The following PLCH2 variants were observed in gnomAD, a reference collection of about 807,000 sequenced individuals.
The protein encoded by PLCH2 is 1-phosphatidylinositol 4,5-bisphosphate phosphodiesterase eta-2.
PLCH2 carries 98 observed loss-of-function variants against 134.7 expected under a neutral mutation model. The observed-to-expected ratio is 0.73, with a 90% CI of 0.62 to 0.86. The LOEUF is 0.86. Among genes scored for constraint, PLCH2 ranks in the 40% least tolerant of loss-of-function variants. The pLI, the probability that PLCH2 is intolerant of heterozygous loss-of-function variation, is 0.00. For missense variants in PLCH2, 1,994 were observed against 1,986.6 expected, an observed-to-expected ratio of 1.00 and a Z score of -0.07; for synonymous variants, 974 against 827.5, an observed-to-expected ratio of 1.18 and a Z score of -3.04.
At chr1:2,451,184 G>A (rs1249495276) in intron 2 of PLCH2, among the ~76,000 whole-genome samples, 3 of 152,132 alleles carry the variant, frequency 2.0e-5, no homozygotes, top group Non-Finnish European at 4.4e-5. Flanking sequence ...TGGTGTCCAC[G>A]TCAACAAGGT....
chr1:2,491,509 AC>A (rs1642580824), intron 11 of PLCH2, among the ~76,000 whole-genome samples, 174 bp downstream of exon 11: 1 of 152,146 alleles, frequency 6.6e-6, no homozygotes, highest in African/African-American at 2.4e-5. Context: ...CATGATCCAT[AC>A]CCACCTACCA....
chr1:2,480,042 G>C, intron 3 of PLCH2, 65 bp downstream of exon 3: 2 of 1,583,566 alleles, frequency 1.3e-6, no homozygotes, highest in Non-Finnish European at 1.7e-6. Flanking sequence ...CTCACCCTGG[G>C]GGGGCCTGTC....
At chr1:2,502,085 C>T in intron 20 of PLCH2, 27 bp from the exon 21 acceptor site, 1 of 1,417,946 alleles carries the variant, frequency 7.1e-7, no homozygotes, top group Non-Finnish European at 9.2e-7. Context: ...CCCCTGGCAA[C>T]AGCTACATGG....
At chr1:2,484,763 C>T in intron 5 of PLCH2, 145 bp downstream of exon 5, 2 of 862,380 alleles carry the variant, frequency 2.3e-6, no homozygotes, top group South Asian at 1.7e-5. Flanking sequence ...TGGGCTCATG[C>T]CCCTGCTCTG....
rs531506523 is a variant in PLCH2 at position 2,487,590 on chromosome 1, G to A, written c.1115-8G>A. ...CCCTGGGGCTGACCAAGGCCTGCCC[G>A]CCTGCAGTGGACTGCTGGGATGGGC... On this transcript the variant is annotated splice_polypyrimidine_tract_variant and splice_region_variant and intron_variant, in intron 7 of 21. Transcript: ENST00000378486. The A allele has an allele frequency of 1.1e-4, 178 of 1,610,256 alleles. No individual in the cohort carries two copies. The East Asian group carries it at 2.8e-3, about 25-fold the overall frequency.
At chr1:2,473,233 C>T (rs1375726573), upstream of PLCH2, among the ~76,000 whole-genome samples, 1 of 152,226 alleles carries the variant, frequency 6.6e-6, no homozygotes, top group Non-Finnish European at 1.5e-5. Context: ...GGCACTGAGA[C>T]AGGGAGGACA....
intron 12 of PLCH2, 125 bp downstream of exon 12, chr1:2,495,073 C>A (rs577276090): frequency 1.4e-6 from 1 of 694,000 alleles, no homozygotes; most frequent in East Asian, 2.7e-5. Context: ...CCAGTGGGCC[C>A]TGCCCCAGCC....
At chr1:2,463,984 C>T (rs566304046), upstream of PLCH2, among the ~76,000 whole-genome samples, 55 of 152,244 alleles carry the variant, frequency 3.6e-4, no homozygotes, top group Non-Finnish European at 6.6e-4. Context: ...CTCCTGTCTA[C>T]AGTGGCATTT....
intron 2 of PLCH2, chr1:2,478,951 A>C: frequency 3.0e-6 from 1 of 330,250 alleles, no homozygotes; most frequent in East Asian, 5.0e-5. Flanking sequence ...AACAGAAACG[A>C]CCCCCACAGA....
chr1:2,472,962 C>CA (rs34886292), upstream of PLCH2, among the ~76,000 whole-genome samples: 89,538 of 151,818 alleles, frequency 0.59, 26,712 homozygotes, highest in South Asian at 0.67. Context: ...TTGGAAGATT[C>CA]ATTATTTTCC....
At chr1:2,495,778 A>G (rs1407319404) in intron 13 of PLCH2, among the ~76,000 whole-genome samples, 1 of 152,084 alleles carries the variant, frequency 6.6e-6, no homozygotes, top group Non-Finnish European at 1.5e-5. Context: ...GCGGCTGAGC[A>G]GGTGGCTGGA....
the PLCH2 span, among the ~76,000 whole-genome samples, chr1:2,419,644 C>T: frequency 4.1e-4 from 63 of 152,154 alleles, no homozygotes; most frequent in East Asian, 4.3e-3. Flanking sequence ...TCTTCTTGCC[C>T]GGAGCTCAAT....
At position 2,440,729 on chromosome 1, in the gene PLCH2, G is replaced by A. The variant is rs1639653952; in HGVS notation, c.115+10100G>A. ...CCGGGGATCTTGCATGCTGCGACCA[G>A]GGATTCTTGAGCCTCTGGCTCAGGA... On this transcript the variant is annotated intron_variant, in intron 2 of 3. Coordinates refer to the PLCH2 transcript ENST00000609981. Among the ~76,000 whole-genome samples, 7 of 152,292 alleles carry A rather than the reference G, an allele frequency of 4.6e-5. No individual in the cohort carries two copies. In the South Asian group the frequency reaches 1.5e-3, roughly 32 times the overall value.
At chr1:2,502,858 G>T in intron 21 of PLCH2, 1 of 717,206 alleles carries the variant, frequency 1.4e-6, no homozygotes, top group Non-Finnish European at 2.6e-6. Flanking sequence ...TGAGTGCCTT[G>T]TTTGCTCAAA....
chr1:2,459,482 C>T (rs1346790510), intron 2 of PLCH2, among the ~76,000 whole-genome samples: 1 of 56,608 alleles, frequency 1.8e-5, no homozygotes, highest in Non-Finnish European at 3.9e-5. Flanking sequence ...CCTGGTGGTC[C>T]TCCTTCCTGG....
upstream of PLCH2, among the ~76,000 whole-genome samples, chr1:2,422,951 A>C (rs189161602): frequency 1.4e-4 from 22 of 152,314 alleles, no homozygotes; most frequent in East Asian, 2.1e-3. Context: ...AGATTTTTCA[A>C]ATCTTGACAC....
At chr1:2,461,282 C>A (rs1006992854) in intron 2 of PLCH2, among the ~76,000 whole-genome samples, 2 of 152,196 alleles carry the variant, frequency 1.3e-5, no homozygotes, top group Non-Finnish European at 2.9e-5. Context: ...TCCAGTGGGG[C>A]TCTGCAGCCC....
chr1:2,490,992 G>A (rs1024075341), intron 10 of PLCH2, among the ~76,000 whole-genome samples, 200 bp from the exon 11 acceptor site: 9 of 152,240 alleles, frequency 5.9e-5, no homozygotes, highest in African/African-American at 1.4e-4. Context: ...GCTGGGGGCC[G>A]CTGGGCAGAC....
intron 11 of PLCH2, chr1:2,493,917 G>A (rs1642730900): frequency 6.5e-6 from 1 of 153,140 alleles, no homozygotes; most frequent in South Asian, 2.0e-4. Flanking sequence ...GGGTGTGGGA[G>A]GGTGTGTGTG....
Sources: allele counts gnomAD v4.1 joint callset (sites outside exome capture counted in the v4.1 genomes callset), GRCh38; gene constraint gnomAD v4.1.1; transcripts MANE v1.5; gene names NCBI Gene and HGNC (gene_info 2026-07-23, HGNC 2026-07-21).